ADGRL2: variants seen among roughly 807,000 people sequenced by gnomAD.
The protein encoded by ADGRL2 is calcium-independent alpha-latrotoxin receptor 2.
Under a neutral mutation model 157.4 loss-of-function variants are expected in ADGRL2, and 44 were observed. That is an observed-to-expected ratio of 0.28 (90% CI 0.22 to 0.36). The LOEUF (loss-of-function observed/expected upper bound fraction) is 0.36, where lower values mean the gene tolerates loss of function less well. ADGRL2 is among the 10% of genes least tolerant of loss of function. ADGRL2 has a pLI of 1.00. For synonymous variants in ADGRL2, 585 were observed against 624.7 expected (o/e 0.94, Z 0.95); for missense variants, 1,510 against 1,768.9 (o/e 0.85, Z 2.63).
intron 8 of ADGRL2, among the ~76,000 whole-genome samples, chr1:81,951,422 TTA>T (rs1460582565): frequency 6.6e-6 from 1 of 152,206 alleles, no homozygotes; most frequent in Non-Finnish European, 1.5e-5. Context: ...TAAAATATCA[TTA>T]AGTTTACAAC....
At chr1:81,712,445 C>CAT (rs1439386660) in intron 1 of ADGRL2, among the ~76,000 whole-genome samples, 1 of 152,192 alleles carries the variant, frequency 6.6e-6, no homozygotes, top group African/African-American at 2.4e-5. Context: ...GAATTCCTAA[C>CAT]ATATGACTTG....
chr1:81,936,495 T>G (rs898954740), intron 3 of ADGRL2, among the ~76,000 whole-genome samples: 1 of 151,902 alleles, frequency 6.6e-6, no homozygotes, highest in East Asian at 1.9e-4. Context: ...TTGGCCATTA[T>G]TTTTTTACTT....
intron 1 of ADGRL2, among the ~76,000 whole-genome samples, chr1:81,397,709 G>A (rs2076681633): frequency 6.6e-6 from 1 of 152,066 alleles, no homozygotes; most frequent in Non-Finnish European, 1.5e-5. Context: ...TTTTAAATTT[G>A]TTGAGACATT....
At chr1:81,346,994 A>G (rs1662526657) in intron 1 of ADGRL2, among the ~76,000 whole-genome samples, 1 of 152,214 alleles carries the variant, frequency 6.6e-6, no homozygotes, top group Non-Finnish European at 1.5e-5. Context: ...ACAGACGTTA[A>G]CACAATTCTA....
intron 2 of ADGRL2, among the ~76,000 whole-genome samples, chr1:81,530,588 G>C (rs891387529): frequency 2.6e-5 from 4 of 151,862 alleles, no homozygotes; most frequent in Non-Finnish European, 5.9e-5. Context: ...AGTTCAAGTG[G>C]TCCGACTGCC....
At chr1:81,383,514 C>CA (rs1188064190) in intron 1 of ADGRL2, among the ~76,000 whole-genome samples, 2 of 151,926 alleles carry the variant, frequency 1.3e-5, no homozygotes, top group Non-Finnish European at 2.9e-5. Flanking sequence ...AAGAGTTTGT[C>CA]AAAAAAGCTC....
At chr1:81,814,667 G>T (rs1280546805) in intron 1 of ADGRL2, among the ~76,000 whole-genome samples, 2 of 151,356 alleles carry the variant, frequency 1.3e-5, no homozygotes, top group Admixed American at 6.6e-5. Flanking sequence ...AACAATATTA[G>T]TGTCATTTTG....
chr1:81,448,473 G>A (rs2077643334), intron 2 of ADGRL2, among the ~76,000 whole-genome samples: 1 of 151,826 alleles, frequency 6.6e-6, no homozygotes, highest in African/African-American at 2.4e-5. Context: ...AAATTACCCT[G>A]TCTCAGATAT....
At chr1:81,469,692 C>T (rs970084355) in intron 2 of ADGRL2, among the ~76,000 whole-genome samples, 1 of 152,148 alleles carries the variant, frequency 6.6e-6, no homozygotes, top group Non-Finnish European at 1.5e-5. Context: ...AGTTAAGACC[C>T]TTAGTGATTT....
Position 81,992,516 on chromosome 1 carries a change from A to G in ADGRL2, c.*1371A>G, listed in dbSNP as rs528370557. On this transcript the variant is annotated 3_prime_UTR_variant, in exon 24 of 24. Transcript: ENST00000686636. ...TTTAAGTAACGTCATACCAAAGTCC[A>G]TGGATATATGAAAGGATACAATTAA... 6.6e-6 allele frequency: 1 copy of G among 152,468 alleles called. No homozygotes were observed. Among genetic ancestry groups the G allele is most frequent in the Admixed American group, 6.5e-5 (1 of 15,270 alleles). 9.4% of individuals were successfully genotyped at this position (152,468 alleles called of 1,614,324 possible).
At chr1:81,409,417 G>A (rs1299326124) in intron 1 of ADGRL2, among the ~76,000 whole-genome samples, 4 of 152,156 alleles carry the variant, frequency 2.6e-5, no homozygotes, top group African/African-American at 7.2e-5. Context: ...GTGTGGGTTA[G>A]GCAGCTACAG....
chr1:81,777,541 C>G (rs2086635145), intron 2 of ADGRL2, among the ~76,000 whole-genome samples: 1 of 152,114 alleles, frequency 6.6e-6, no homozygotes, highest in Non-Finnish European at 1.5e-5. Flanking sequence ...GAGGCAGAGG[C>G]AGGTGAATTG....
chr1:81,821,458 A>T (rs1016150571), intron 1 of ADGRL2, among the ~76,000 whole-genome samples: 1 of 152,100 alleles, frequency 6.6e-6, no homozygotes, highest in East Asian at 1.9e-4. Flanking sequence ...TAATGGTGAA[A>T]TGATAGTTTT....
intron 1 of ADGRL2, among the ~76,000 whole-genome samples, chr1:81,356,779 C>T (rs1013144001): frequency 2.0e-5 from 3 of 151,706 alleles, no homozygotes; most frequent in Non-Finnish European, 4.4e-5. Context: ...CGGTGAAACC[C>T]CGTCTCTACT....
At chr1:81,366,275 A>G (rs1252246580) in intron 1 of ADGRL2, among the ~76,000 whole-genome samples, 1 of 146,864 alleles carries the variant, frequency 6.8e-6, no homozygotes, top group Non-Finnish European at 1.5e-5. Context: ...ACCCACCAAG[A>G]TATGACACAT....
At chr1:81,737,860 G>T (rs1309286043) in intron 1 of ADGRL2, among the ~76,000 whole-genome samples, 11 of 152,108 alleles carry the variant, frequency 7.2e-5, no homozygotes, top group African/African-American at 2.2e-4. Context: ...TTAATTTATA[G>T]TTGCTAAAAA....
chr1:81,690,656 T>TA (rs1360692263), intron 3 of ADGRL2, among the ~76,000 whole-genome samples: 2 of 152,230 alleles, frequency 1.3e-5, no homozygotes. Flanking sequence ...TATTCCTAGT[T>TA]AAAAATCACA....
intron 2 of ADGRL2, among the ~76,000 whole-genome samples, chr1:81,871,288 T>C (rs1344086364): frequency 6.6e-6 from 1 of 152,024 alleles, no homozygotes; most frequent in African/African-American, 2.4e-5. Context: ...GGCTGCATAG[T>C]ATTCCATGGT....
intron 4 of ADGRL2, among the ~76,000 whole-genome samples, chr1:81,939,517 A>G (rs952662461): frequency 2.0e-5 from 3 of 151,558 alleles, no homozygotes; most frequent in African/African-American, 7.2e-5. Context: ...TTAAATCATT[A>G]TTAATGAATA....
Sources: allele counts gnomAD v4.1 joint callset (sites outside exome capture counted in the v4.1 genomes callset), GRCh38; gene constraint gnomAD v4.1.1; transcripts MANE v1.5; gene names NCBI Gene and HGNC (gene_info 2026-07-23, HGNC 2026-07-21).